RGS4: variants seen among roughly 807,000 people sequenced by gnomAD.
The protein encoded by RGS4 is schizophrenia disorder 9.
A neutral mutation model predicts 21.6 loss-of-function variants in RGS4; 15 were observed. The ratio of observed to expected loss-of-function variants is 0.69; its 90% confidence interval spans 0.46 to 1.07. The LOEUF is 1.07. Among genes scored for constraint, RGS4 ranks in the 50% least tolerant of loss-of-function variants. The pLI, the probability that RGS4 is intolerant of heterozygous loss-of-function variation, is 0.00. For synonymous variants in RGS4, 94 were observed against 85.5 expected (o/e 1.10, Z -0.55); for missense variants, 237 against 239.0 (o/e 0.99, Z 0.06).
chr1:163,069,369 C>T lies in RGS4; in HGVS notation c.-116C>T. The T allele has an allele frequency of 1.3e-6, 2 of 1,568,024 alleles. No homozygotes were observed. The highest frequency in any genetic ancestry group is 1.2e-5 in the South Asian group (1 of 86,058). On this transcript the variant is annotated 5_prime_UTR_variant, in exon 1 of 5. Transcript: ENST00000367909. ...CCTACAGGCTTAGCAGGAAGACGCT[C>T]AGAGGATTCTGACAATATCTTTACC...
In RGS4 at chr1:163,076,767, A is replaced by T. The variant is rs1051698373; in HGVS notation, c.*2207A>T. 6.6e-6 allele frequency: 1 copy of T among 152,036 alleles called. No individual in the cohort carries two copies. Among genetic ancestry groups the T allele is most frequent in the African/African-American group, 2.4e-5 (1 of 41,384 alleles). The allele number at this position is 152,036 out of a possible 1,614,324, so 9.4% of individuals were successfully genotyped here. A position where few individuals can be genotyped will look rare whatever the true frequency, so the allele number is the denominator to read the frequency against. ...GCTTCCAGTGAAACACACGCATCTT[A>T]ATAATAAGGGTAAATAAACGCTCCA... is the stretch of plus-strand genomic sequence containing the variant. On this transcript the variant is annotated 3_prime_UTR_variant, in exon 5 of 5. Coordinates refer to ENST00000367909, the MANE Select transcript of RGS4 (RefSeq NM_005613.6).
In RGS4 at chr1:163,075,167, T is replaced by C. The variant is rs552860141; in HGVS notation, c.*607T>C. 8.6e-5 allele frequency: 14 copies of C among 163,536 alleles called. No homozygotes were observed. In the East Asian group the frequency reaches 2.2e-3, roughly 26 times the overall value. 10.1% of individuals were successfully genotyped at this position (163,536 alleles called of 1,614,324 possible). On this transcript the variant is annotated 3_prime_UTR_variant, in exon 5 of 5. Coordinates refer to ENST00000367909, the MANE Select transcript of RGS4 (RefSeq NM_005613.6). ...TGATGGGAAAGACCCTAGGTGCTCA[T>C]AACTAGAGTATGTGTATGTACTTAC...
chr1:163,073,391 G>T, intron 3 of RGS4, 65 bp from the exon 4 acceptor site: 6 of 1,324,760 alleles, frequency 4.5e-6, no homozygotes, highest in Non-Finnish European at 4.1e-6. Context: ...AGCTTTATGT[G>T]AAATAGCATA....
In RGS4 at chr1:163,072,487, T is replaced by C. The variant is rs1168955828; in HGVS notation, c.137T>C (p.Val46Ala). 1 of 1,610,398 alleles carries C rather than the reference T, an allele frequency of 6.2e-7. No individual in the cohort carries two copies. The highest frequency in any genetic ancestry group is 1.3e-5 in the African/African-American group (1 of 74,798). Residue 46 changes from valine (V) to alanine (A), a missense_variant, in exon 2 of 5, where the codon GTT becomes GCT. Physicochemically the swap from Val to Ala is moderately conservative, Grantham distance 64. Transcript: ENST00000367909. ...TCCCACAACAAGAAGGACAAAGTGG[T>C]TATTTGCCAGAGGTAAGAGAAAAGG... ...NSSHNKKDKV[V>A]ICQRVSQEEV...
rs1655494431 is a variant in RGS4, at chr1:163,076,245, T to C, written c.*1685T>C. On this transcript the variant is annotated 3_prime_UTR_variant, in exon 5 of 5. Coordinates refer to ENST00000367909, the MANE Select transcript of RGS4 (RefSeq NM_005613.6). ...GTTGCTCCAGTATAAATTACATGCA[T>C]GAGCACCTTTCTGGCTTTTAAGCCA... 6.6e-6 allele frequency: 1 copy of C among 152,608 alleles called. No individual in the cohort carries two copies. Among genetic ancestry groups the C allele is most frequent in the Non-Finnish European group, 1.5e-5 (1 of 68,018 alleles). 9.5% of individuals were successfully genotyped at this position (152,608 alleles called of 1,614,324 possible). A position where few individuals can be genotyped will look rare whatever the true frequency, so the allele number is the denominator to read the frequency against.
In RGS4 at chr1:163,069,455, C is replaced by A. The variant is rs751977075; in HGVS notation, c.-30C>A. On this transcript the variant is annotated 5_prime_UTR_variant, in exon 1 of 5. In the 5' UTR this introduces an upstream ATG that the reference lacks. Coordinates refer to ENST00000367909, the MANE Select transcript of RGS4 (RefSeq NM_005613.6). The stretch of plus-strand genomic sequence containing the variant: ...CAGCTCCTCCTGCCGCATTTCTTTC[C>A]TGCTTGCGAATTCCAAGCTGTTAAA... 1.2e-5 allele frequency: 20 copies of A among 1,613,412 alleles called. No individual in the cohort carries two copies. Among genetic ancestry groups the A allele is most frequent in the Non-Finnish European group, 1.6e-5 (19 of 1,179,724 alleles).
At position 163,069,405 on chromosome 1, in the gene RGS4, C is replaced by CAAA; in HGVS notation, c.-79_-77dup. On this transcript the variant is annotated 5_prime_UTR_variant, in exon 1 of 5. Transcript: ENST00000367909. ...GACAATATCTTTACCGGAGAAGAGGCAAAGTACGCTCAAAGCCGAAGCCAC... is the reference window on the plus strand; with the variant it reads ...GACAATATCTTTACCGGAGAAGAGGCAAAAAAGTACGCTCAAAGCCGAAGCCAC... The CAAA allele has an allele frequency of 6.2e-7, 1 of 1,603,874 alleles. No homozygotes were observed. The highest frequency in any genetic ancestry group is 8.5e-7 in the Non-Finnish European group (1 of 1,174,556).
In RGS4 at chr1:163,075,282, C is replaced by T. The variant is rs1655459339; in HGVS notation, c.*722C>T. 1 of 152,526 alleles carries T rather than the reference C, an allele frequency of 6.6e-6. No individual in the cohort carries two copies. The highest frequency in any genetic ancestry group is 1.5e-5 in the Non-Finnish European group (1 of 68,370). The allele number at this position is 152,526 out of a possible 1,614,324, so 9.4% of individuals were successfully genotyped here. On this transcript the variant is annotated 3_prime_UTR_variant, in exon 5 of 5. Transcript: ENST00000367909. ...TGTAGGCTAAGAAAGAAATGCTAAC[C>T]TGTGGAAAGTTGGTTTTGTAAAATT...
At position 163,071,574 on chromosome 1, in the gene RGS4, C is replaced by G. The variant is rs879556620; in HGVS notation, c.45-821C>G. Among the ~76,000 whole-genome samples, 675 of 152,176 alleles carry G rather than the reference C, an allele frequency of 4.4e-3. 12 individuals carry two copies. The highest frequency in any genetic ancestry group is 0.037 in the Admixed American group (561 of 15,264). On this transcript the variant is annotated intron_variant, in intron 1 of 4. Coordinates refer to ENST00000367909, the MANE Select transcript of RGS4 (RefSeq NM_005613.6). Reference sequence around the variant, plus strand: ...AGTCAGGAGCTCTAATGTGCCCTGGCTACCTATTAAATGGTGGCAATAAAC... The same window carrying G: ...AGTCAGGAGCTCTAATGTGCCCTGGGTACCTATTAAATGGTGGCAATAAAC...
chr1:163,072,604 C>G, intron 2 of RGS4, 105 bp downstream of exon 2: 1 of 936,840 alleles, frequency 1.1e-6, no homozygotes, highest in Non-Finnish European at 1.7e-6. Flanking sequence ...AGATTTGGAT[C>G]AAGATAGCCT....
chr1:163,072,069 A>C (rs1655334983), intron 1 of RGS4: 3 of 1,033,154 alleles, frequency 2.9e-6, no homozygotes, highest in Non-Finnish European at 3.5e-6. Context: ...TCAGTGATTC[A>C]GGTTCTGTTG....
intron 1 of RGS4, among the ~76,000 whole-genome samples, chr1:163,071,167 T>G (rs143062615): frequency 1.7e-3 from 254 of 152,252 alleles, no homozygotes; most frequent in African/African-American, 5.7e-3. Flanking sequence ...CATTCAGGAT[T>G]GTATCTTGTT....
intron 3 of RGS4, 41 bp downstream of exon 3, chr1:163,072,907 G>A: frequency 1.3e-6 from 2 of 1,545,100 alleles, no homozygotes; most frequent in South Asian, 1.1e-5. Flanking sequence ...CTCTGGATAA[G>A]ACAAGTTATA....
At position 163,069,462 on chromosome 1, in the gene RGS4, C is replaced by A. The variant is rs185538945; in HGVS notation, c.-23C>A. The A allele has an allele frequency of 2.0e-4, 318 of 1,613,386 alleles. 2 individuals are homozygous for A. In the East Asian group the frequency reaches 6.8e-3, roughly 34 times the overall value. ...TCCTGCCGCATTTCTTTCCTGCTTG[C>A]GAATTCCAAGCTGTTAAATAAGATG... On this transcript the variant is annotated 5_prime_UTR_variant, in exon 1 of 5. Transcript: ENST00000367909.
chr1:163,074,510 G>A lies in RGS4; in HGVS notation c.568G>A (p.Gly190Arg), dbSNP rs569249131. The A allele has an allele frequency of 1.1e-5, 18 of 1,613,914 alleles. No homozygotes were observed. In the East Asian group the frequency reaches 3.8e-4, roughly 34 times the overall value. ...CAGCTGTGGGGCAGAAAAGCAGAAAGGAGCCAAGAGTTCAGCAGACTGTGC... is the reference window on the plus strand; with the variant it reads ...CAGCTGTGGGGCAGAAAAGCAGAAAAGAGCCAAGAGTTCAGCAGACTGTGC... ...PSSCGAEKQK[G>R]AKSSADCASL... is the part of the protein sequence containing the mutation. The change falls in exon 5 of 5, where the codon GGA becomes AGA. Residue 190 changes from glycine to arginine, a missense_variant. Coordinates refer to ENST00000367909, the MANE Select transcript of RGS4 (RefSeq NM_005613.6).
Position 163,069,444 on chromosome 1 carries a change from G to T in RGS4, c.-41G>T, listed in dbSNP as rs888429370. Reference sequence around the variant, plus strand: ...AGCCGAAGCCACAGCTCCTCCTGCCGCATTTCTTTCCTGCTTGCGAATTCC... The same window carrying T: ...AGCCGAAGCCACAGCTCCTCCTGCCTCATTTCTTTCCTGCTTGCGAATTCC... On this transcript the variant is annotated 5_prime_UTR_variant, in exon 1 of 5. Coordinates refer to ENST00000367909, the MANE Select transcript of RGS4 (RefSeq NM_005613.6). 2.5e-6 allele frequency: 4 copies of T among 1,613,108 alleles called. No individual in the cohort carries two copies. Among genetic ancestry groups the T allele is most frequent in the East Asian group, 4.5e-5 (2 of 44,720 alleles).
In RGS4 at chr1:163,072,987, T is replaced by C. The variant is rs185378743; in HGVS notation, c.211+121T>C. 1.0e-5 allele frequency: 8 copies of C among 768,046 alleles called. No homozygotes were observed. The East Asian group carries it at 2.1e-4, about 21-fold the overall frequency. The allele number at this position is 768,046 out of a possible 1,614,324, so 47.6% of individuals were successfully genotyped here. On this transcript the variant is annotated intron_variant, in intron 3 of 4. Transcript: ENST00000367909. ...TGATGTTCAGACTCAGGAGACTCTT[T>C]AGGTCTTAAATTCAGTCTGTTTAAA...
At position 163,076,353 on chromosome 1, in the gene RGS4, C is replaced by T. The variant is rs1474795665; in HGVS notation, c.*1793C>T. ...TAAAGATGCAGGTTTTCTAATTGTA[C>T]CCTTCTTGTCTCTCTGGCAATCTTG... On this transcript the variant is annotated 3_prime_UTR_variant, in exon 5 of 5. Coordinates refer to ENST00000367909, the MANE Select transcript of RGS4 (RefSeq NM_005613.6). 2.6e-5 allele frequency: 4 copies of T among 152,550 alleles called. No homozygotes were observed. The highest frequency in any genetic ancestry group is 9.7e-5 in the African/African-American group (4 of 41,410). The allele number at this position is 152,550 out of a possible 1,614,324, so 9.4% of individuals were successfully genotyped here.
At chr1:163,069,922 G>A (rs1401544943) in intron 1 of RGS4, among the ~76,000 whole-genome samples, 1 of 152,106 alleles carries the variant, frequency 6.6e-6, no homozygotes, top group Non-Finnish European at 1.5e-5. Flanking sequence ...CTGATTGTAT[G>A]CTACAACTTG....
Sources: gnomAD v4.1 joint callset for allele counts (sites outside exome capture counted in the v4.1 genomes callset) on GRCh38, gnomAD v4.1.1 for gene constraint, MANE v1.5 for transcripts, NCBI Gene and HGNC (gene_info 2026-07-23, HGNC 2026-07-21) for gene names.